Variants in NELL1 observed in about 807,000 individuals in gnomAD.
NELL1 encodes the protein neural EGFL like 1.
In NELL1, 76 loss-of-function variants were observed where a neutral mutation model predicts 107.4. That is an observed-to-expected ratio of 0.71 (90% CI 0.59 to 0.86). The LOEUF (loss-of-function observed/expected upper bound fraction) is 0.86. Among genes scored for constraint, NELL1 ranks in the 40% least tolerant of loss-of-function variants. NELL1 has a pLI of 0.00. For missense variants in NELL1, 1,024 were observed against 1,005.5 expected (o/e 1.02, Z -0.25); for synonymous variants, 353 against 341.2 (o/e 1.03, Z -0.38).
chr11:21,412,891 A>G (rs936785550), intron 15 of NELL1, among the ~76,000 whole-genome samples: 1 of 151,984 alleles, frequency 6.6e-6, no homozygotes, highest in African/African-American at 2.4e-5. Context: ...TCACATTGCA[A>G]CCCTTAGCCA....
intron 5 of NELL1, among the ~76,000 whole-genome samples, chr11:20,897,524 A>T (rs1453863437): frequency 2.6e-5 from 4 of 152,242 alleles, no homozygotes; most frequent in Admixed American, 1.3e-4. Flanking sequence ...CTTCATGTCT[A>T]AAACACCAAA....
intron 3 of NELL1, among the ~76,000 whole-genome samples, chr11:20,812,534 G>C (rs1431355893): frequency 6.6e-6 from 1 of 152,132 alleles, no homozygotes; most frequent in East Asian, 1.9e-4. Context: ...GACATGAATT[G>C]GTATTAATTC....
At chr11:20,705,463 T>C (rs997477603) in intron 2 of NELL1, among the ~76,000 whole-genome samples, 2 of 151,656 alleles carry the variant, frequency 1.3e-5, no homozygotes, top group African/African-American at 2.4e-5. Flanking sequence ...GCTAGCCATA[T>C]GTAGAAAGCT....
At chr11:21,481,152 A>G (rs1212670410) in intron 15 of NELL1, among the ~76,000 whole-genome samples, 2 of 152,220 alleles carry the variant, frequency 1.3e-5, no homozygotes, top group African/African-American at 2.4e-5. Flanking sequence ...TTAATGCAGA[A>G]TCAAACTGTA....
intron 12 of NELL1, among the ~76,000 whole-genome samples, chr11:21,091,829 C>T (rs1854528567): frequency 6.6e-6 from 1 of 152,262 alleles, no homozygotes; most frequent in South Asian, 2.1e-4. Flanking sequence ...TTGAACTTTA[C>T]AGAATTTAAC....
At chr11:21,221,766 C>A (rs1030630518) in intron 13 of NELL1, among the ~76,000 whole-genome samples, 2 of 152,226 alleles carry the variant, frequency 1.3e-5, no homozygotes, top group East Asian at 3.9e-4. Flanking sequence ...GATCAGGGCT[C>A]ACTGCAGCCT....
At chr11:21,404,220 C>T (rs1380659533) in intron 15 of NELL1, among the ~76,000 whole-genome samples, 1 of 151,792 alleles carries the variant, frequency 6.6e-6, no homozygotes, top group African/African-American at 2.4e-5. Context: ...TATCTCAGTA[C>T]ATTCATTTTC....
Position 21,423,813 on chromosome 11 carries a change from C to T in NELL1, c.1645+52865C>T, listed in dbSNP as rs116801877. Among the ~76,000 whole-genome samples, 1,225 of 152,150 alleles carry T rather than the reference C, an allele frequency of 8.1e-3. 15 individuals are homozygous for T. The highest frequency in any genetic ancestry group is 0.027 in the African/African-American group (1,122 of 41,512). Reference sequence around the variant, plus strand: ...AACAGGATGAAGTCAGAAATGAATACCAGAAGGAAAACTGGAAAAATTACA... The same window carrying T: ...AACAGGATGAAGTCAGAAATGAATATCAGAAGGAAAACTGGAAAAATTACA... On this transcript the variant is annotated intron_variant, in intron 15 of 19. Transcript: ENST00000357134.
chr11:20,744,657 C>T (rs74571680), intron 2 of NELL1, among the ~76,000 whole-genome samples: 1,608 of 152,280 alleles, frequency 0.011, 21 homozygotes, highest in African/African-American at 0.036. Flanking sequence ...CTTTGCAAGG[C>T]GGTAGCCCAG....
intron 13 of NELL1, among the ~76,000 whole-genome samples, chr11:21,155,713 G>A (rs1856216717): frequency 2.6e-5 from 4 of 152,052 alleles, no homozygotes; most frequent in Admixed American, 6.6e-5. Context: ...AATGGTGAAT[G>A]AGTGATTAGG....
chr11:20,978,362 T>C (rs1393837145), intron 12 of NELL1, among the ~76,000 whole-genome samples: 2 of 152,170 alleles, frequency 1.3e-5, no homozygotes. Context: ...ATTAACGATT[T>C]ACCCAAGTTT....
chr11:20,720,687 C>T (rs926243645), intron 2 of NELL1, among the ~76,000 whole-genome samples: 1 of 152,098 alleles, frequency 6.6e-6, no homozygotes, highest in Non-Finnish European at 1.5e-5. Context: ...TTATGGGGCT[C>T]TCTCCCTGGC....
chr11:21,009,165 C>G (rs551794661), intron 12 of NELL1, among the ~76,000 whole-genome samples: 1 of 152,260 alleles, frequency 6.6e-6, no homozygotes, highest in Admixed American at 6.5e-5. Flanking sequence ...TGATTCACGG[C>G]TGCCTCCAGC....
chr11:20,812,845 A>G (rs1275447113), intron 3 of NELL1, among the ~76,000 whole-genome samples: 1 of 150,606 alleles, frequency 6.6e-6, no homozygotes. Flanking sequence ...CGTCTGTACT[A>G]AAAATACAAA....
chr11:21,056,180 G>A (rs1853611075), intron 12 of NELL1, among the ~76,000 whole-genome samples: 1 of 152,136 alleles, frequency 6.6e-6, no homozygotes, highest in South Asian at 2.1e-4. Context: ...AATGAAGCAG[G>A]GCAGCAGTTC....
At position 20,863,428 on chromosome 11, in the gene NELL1, A is replaced by T. The variant is rs183104068; in HGVS notation, c.506+15675A>T. Among the ~76,000 whole-genome samples the T allele has an allele frequency of 8.1e-3, 223 of 27,412 alleles. 47 individuals are homozygous for T. The highest frequency in any genetic ancestry group is 0.022 in the Non-Finnish European group (136 of 6,228). The allele number at this position is 27,412 out of a possible 152,430, so 18.0% of individuals were successfully genotyped here. ...GCGGAGACGCTCCTCACTTCCCAGA[A>T]GGGGTGGCTGCTGGGCGGAGGGGCT... is the stretch of plus-strand genomic sequence containing the variant. On this transcript the variant is annotated intron_variant, in intron 4 of 19. Transcript: ENST00000357134.
intron 15 of NELL1, among the ~76,000 whole-genome samples, chr11:21,412,282 A>G (rs1247118185): frequency 1.3e-5 from 2 of 151,948 alleles, no homozygotes; most frequent in Non-Finnish European, 2.9e-5. Context: ...CATGATAATG[A>G]TTTTGTTTGG....
At chr11:21,430,648 C>T (rs1852942854) in intron 15 of NELL1, among the ~76,000 whole-genome samples, 1 of 152,070 alleles carries the variant, frequency 6.6e-6, no homozygotes, top group Non-Finnish European at 1.5e-5. Flanking sequence ...TGCAGGGCCT[C>T]TTAGATCATA....
chr11:20,987,598 A>G (rs1318140007), intron 12 of NELL1, among the ~76,000 whole-genome samples: 1 of 152,154 alleles, frequency 6.6e-6, no homozygotes, highest in East Asian at 1.9e-4. Flanking sequence ...ACTCACTATC[A>G]CGAGAACAGC....
Sources: allele counts gnomAD v4.1 joint callset (sites outside exome capture counted in the v4.1 genomes callset), GRCh38; gene constraint gnomAD v4.1.1; transcripts MANE v1.5; gene names NCBI Gene and HGNC (gene_info 2026-07-23, HGNC 2026-07-21).